The following COLEC10 variants were observed in gnomAD, a reference collection of about 807,000 sequenced individuals.
COLEC10 encodes the protein collectin-10.
Under a neutral mutation model 28.4 loss-of-function variants are expected in COLEC10, and 22 were observed. The observed-to-expected ratio is 0.78, with a 90% CI of 0.55 to 1.11. COLEC10 has a LOEUF of 1.11. Ranked by LOEUF, COLEC10 falls within the 50% of genes least tolerant of loss-of-function variation. The probability of loss-of-function intolerance (pLI) is 0.00; values close to 1 mark genes in which losing one functional copy is unlikely to be tolerated. For missense variants in COLEC10, 361 were observed against 344.1 expected, an observed-to-expected ratio of 1.05 and a Z score of -0.39; for synonymous variants, 125 against 116.1, an observed-to-expected ratio of 1.08 and a Z score of -0.49.
chr8:119,063,466 G>C (rs1040149216), upstream of COLEC10, among the ~76,000 whole-genome samples: 3 of 152,164 alleles, frequency 2.0e-5, no homozygotes, highest in African/African-American at 7.2e-5. Flanking sequence ...CCATTCTTTA[G>C]TTTCTTGTTG....
chr8:118,961,350 T>G, the COLEC10 span, among the ~76,000 whole-genome samples: 3 of 152,200 alleles, frequency 2.0e-5, no homozygotes, highest in African/African-American at 7.2e-5. Flanking sequence ...TATCCATTAT[T>G]TATTTGACAG....
At chr8:118,998,964 C>T (rs1183116872) in intron 1 of COLEC10, among the ~76,000 whole-genome samples, 1 of 151,818 alleles carries the variant, frequency 6.6e-6, no homozygotes, top group Non-Finnish European at 1.5e-5. Flanking sequence ...TTATTGGATG[C>T]CCCCTATTCT....
chr8:119,031,139 T>A (rs928199821), intron 2 of COLEC10, among the ~76,000 whole-genome samples: 1 of 152,232 alleles, frequency 6.6e-6, no homozygotes. Flanking sequence ...TAAGGGTACA[T>A]GGAGCTTTCT....
chr8:119,013,649 A>G (rs1232321782), intron 2 of COLEC10, among the ~76,000 whole-genome samples: 1 of 150,704 alleles, frequency 6.6e-6, no homozygotes, highest in Non-Finnish European at 1.5e-5. Context: ...ATTTTGTGGC[A>G]GTGTTGTTAG....
intron 2 of COLEC10, among the ~76,000 whole-genome samples, chr8:119,015,046 C>T (rs1277418665): frequency 1.3e-5 from 2 of 151,156 alleles, no homozygotes; most frequent in Non-Finnish European, 2.9e-5. Context: ...CTGATAACTT[C>T]AATATCCCTG....
the COLEC10 span, among the ~76,000 whole-genome samples, chr8:118,988,546 C>T: frequency 8.8e-4 from 134 of 152,114 alleles, no homozygotes; most frequent in Non-Finnish European, 1.6e-3. Context: ...GAGTAGGAGA[C>T]GAGAGAAAAA....
At chr8:119,040,098 T>C (rs900493972) in intron 2 of COLEC10, among the ~76,000 whole-genome samples, 1 of 152,174 alleles carries the variant, frequency 6.6e-6, no homozygotes, top group Non-Finnish European at 1.5e-5. Context: ...GTGGACCCCG[T>C]AAAGAATCTT....
intron 2 of COLEC10, among the ~76,000 whole-genome samples, chr8:119,058,368 A>G (rs1814798296): frequency 6.6e-6 from 1 of 152,040 alleles, no homozygotes; most frequent in Admixed American, 6.6e-5. Flanking sequence ...CTGTAGATTT[A>G]TAATACAGCC....
chr8:119,075,892 CTTTTTTTTTTTT>C (rs35870985), intron 1 of COLEC10, among the ~76,000 whole-genome samples: 1 of 82,404 alleles, frequency 1.2e-5, no homozygotes, highest in Admixed American at 1.9e-4. Context: ...TCAGCCATAT[CTTTTTTTTTTTT>C]TTTTTTTTTT....
chr8:119,006,980 A>G lies in COLEC10; in HGVS notation n.123-2461A>G, dbSNP rs188379348. Among the ~76,000 whole-genome samples the G allele has an allele frequency of 2.8e-3, 430 of 152,230 alleles. 1 individual carries two copies. The highest frequency in any genetic ancestry group is 9.7e-3 in the African/African-American group (403 of 41,554). ...AAATGTAGGCAGTGGTGATATAAAC[A>G]ATGTATAAAACTCTAGTCTTAAAAC... On this transcript the variant is annotated intron_variant and non_coding_transcript_variant, in intron 1 of 6. Coordinates refer to the COLEC10 transcript ENST00000521788.
At chr8:118,985,993 A>G in the COLEC10 span, among the ~76,000 whole-genome samples, 4 of 152,266 alleles carry the variant, frequency 2.6e-5, no homozygotes, top group South Asian at 8.3e-4. Flanking sequence ...CTTTGGAGCC[A>G]GAGTGCAGTA....
the COLEC10 span, among the ~76,000 whole-genome samples, chr8:118,985,192 T>C: frequency 2.0e-5 from 3 of 152,170 alleles, no homozygotes; most frequent in East Asian, 3.9e-4. Context: ...GAGAATATTC[T>C]GTTGTTTGAA....
At chr8:119,077,243 A>ATTTTTTTTTCTT (rs1815258115) in intron 1 of COLEC10, among the ~76,000 whole-genome samples, 1 of 90,292 alleles carries the variant, frequency 1.1e-5, no homozygotes, top group African/African-American at 4.2e-5. Flanking sequence ...GTAGAGAATG[A>ATTTTTTTTTCTT]TTTTTTTTTT....
intron 5 of COLEC10, among the ~76,000 whole-genome samples, chr8:119,104,432 A>C (rs1397156632): frequency 1.3e-5 from 2 of 152,116 alleles, no homozygotes; most frequent in Non-Finnish European, 2.9e-5. Flanking sequence ...TGACTCCTCT[A>C]TCCACAATAC....
At chr8:118,979,860 A>T in the COLEC10 span, among the ~76,000 whole-genome samples, 1 of 152,110 alleles carries the variant, frequency 6.6e-6, no homozygotes, top group Non-Finnish European at 1.5e-5. Context: ...TTAAAATTTG[A>T]TCAAGTTGAA....
intron 1 of COLEC10, among the ~76,000 whole-genome samples, chr8:118,996,744 C>G (rs148941232): frequency 6.6e-6 from 1 of 152,294 alleles, no homozygotes; most frequent in African/African-American, 2.4e-5. Context: ...GCTCATGGTT[C>G]TCCAGGCTGT....
intron 2 of COLEC10, among the ~76,000 whole-genome samples, chr8:119,026,127 T>C (rs1814185970): frequency 6.6e-6 from 1 of 152,218 alleles, no homozygotes; most frequent in Non-Finnish European, 1.5e-5. Context: ...ACATTTTTAT[T>C]GAATGACTAT....
intron 2 of COLEC10, among the ~76,000 whole-genome samples, chr8:119,052,983 G>A (rs1234992834): frequency 3.9e-5 from 6 of 152,068 alleles, no homozygotes; most frequent in Non-Finnish European, 7.4e-5. Context: ...AGAGAAAAAC[G>A]TGGAGGAGGA....
At position 119,003,474 on chromosome 8, in the gene COLEC10, A is replaced by G. The variant is rs80089055; in HGVS notation, n.123-5967A>G. The stretch of plus-strand genomic sequence containing the variant: ...AAAGTGAACACTTTCTGATGTCATC[A>G]TCACAAAATGATTTCAGCATAAACA... On this transcript the variant is annotated intron_variant and non_coding_transcript_variant, in intron 1 of 6. Transcript: ENST00000521788. 1.3e-3 allele frequency among the ~76,000 whole-genome samples: 200 copies of G among 152,246 alleles called. 3 individuals carry two copies. The East Asian group carries it at 0.037, about 28-fold the overall frequency.
Sources: allele counts gnomAD v4.1 joint callset (sites outside exome capture counted in the v4.1 genomes callset), GRCh38; gene constraint gnomAD v4.1.1; transcripts MANE v1.5; gene names NCBI Gene and HGNC (gene_info 2026-07-23, HGNC 2026-07-21).